C5: variants seen among roughly 807,000 people sequenced by gnomAD.
The protein encoded by C5 is C3 and PZP-like alpha-2-macroglobulin domain-containing protein 4.
A neutral mutation model predicts 218.8 loss-of-function variants in C5; 140 were observed. The ratio of observed to expected loss-of-function variants is 0.64; its 90% CI spans 0.56 to 0.74. The LOEUF (loss-of-function observed/expected upper bound fraction) is 0.74, where lower values mean the gene tolerates loss of function less well. C5 is among the 30% of genes least tolerant of loss of function. C5 has a pLI of 0.00. For missense variants in C5, 1,700 were observed against 1,969.6 expected, an observed-to-expected ratio of 0.86 and a Z score of 2.59; for synonymous variants, 614 against 682.3, an observed-to-expected ratio of 0.90 and a Z score of 1.56.
intron 20 of C5, among the ~76,000 whole-genome samples, chr9:121,002,218 A>G (rs955467628): frequency 1.8e-4 from 7 of 39,860 alleles, no homozygotes; most frequent in Admixed American, 3.2e-4. Flanking sequence ...ATATATACGT[A>G]TATATATATA....
At position 121,025,580 on chromosome 9, in the gene C5, A is replaced by G; in HGVS notation, c.874T>C (p.Leu292=). 6.2e-7 allele frequency: 1 copy of G among 1,611,898 alleles called. No homozygotes were observed. The highest frequency in any genetic ancestry group is 8.5e-7 in the Non-Finnish European group (1 of 1,179,432). The change falls in exon 9 of 41, where the codon TTG becomes CTG. Residue 292 remains leucine, a splice_region_variant and synonymous_variant. Transcript: ENST00000223642. ...GTGACTTGAGCAATTCCATTTATCA[A>G]CTTTTTAAAAGGAGAAAAAGGAGGA... The part of the protein sequence containing the change: ...MMQTAMQNTM[L]INGIAQVTFD...
chr9:120,997,732 C>T lies in C5; in HGVS notation c.2605G>A (p.Glu869Lys). The T allele has an allele frequency of 6.2e-7, 1 of 1,614,050 alleles. No individual in the cohort carries two copies. Among genetic ancestry groups the T allele is most frequent in the Non-Finnish European group, 8.5e-7 (1 of 1,180,026 alleles). The change falls in exon 21 of 41, where the codon GAA becomes AAA. Residue 869 changes from glutamate to lysine, a missense_variant. By Grantham distance (56) the Glu-to-Lys change is moderately conservative. Transcript: ENST00000223642. ...MSAVEGICTSESPVIDHQGTK... is the reference protein window; with the variant it reads ...MSAVEGICTSKSPVIDHQGTK... ...CCCTGATGATCAATGACTGGGCTTTCCGAAGTGCAGATTCCCTCCACAGCA... is the reference window on the plus strand; with the variant it reads ...CCCTGATGATCAATGACTGGGCTTTTCGAAGTGCAGATTCCCTCCACAGCA...
chr9:121,040,145 C>G (rs529996587), intron 3 of C5, among the ~76,000 whole-genome samples: 1 of 152,160 alleles, frequency 6.6e-6, no homozygotes. Flanking sequence ...GGGAAATCAG[C>G]GAAAGCTGCC....
At chr9:121,034,218 C>A (rs1176225350) in intron 5 of C5, among the ~76,000 whole-genome samples, 2 of 152,140 alleles carry the variant, frequency 1.3e-5, no homozygotes, top group African/African-American at 2.4e-5. Context: ...CCGCACCTGG[C>A]CTATTACAAA....
At chr9:120,975,985 T>C (rs2046950473) in intron 29 of C5, among the ~76,000 whole-genome samples, 1 of 152,210 alleles carries the variant, frequency 6.6e-6, no homozygotes, top group African/African-American at 2.4e-5. Context: ...CCTATATCTG[T>C]GGCGGCAAAT....
intron 17 of C5, among the ~76,000 whole-genome samples, chr9:121,010,969 C>A (rs2047256848): frequency 6.6e-6 from 1 of 152,148 alleles, no homozygotes; most frequent in African/African-American, 2.4e-5. Context: ...TTGCCATATA[C>A]AAAACTCAAA....
intron 3 of C5, among the ~76,000 whole-genome samples, chr9:121,039,511 G>A (rs1384552616): frequency 2.0e-5 from 3 of 151,970 alleles, no homozygotes; most frequent in African/African-American, 4.8e-5. Context: ...GGTGGCACGC[G>A]CCTGAATCCC....
chr9:121,069,914 A>T, the C5 span, among the ~76,000 whole-genome samples: 1 of 152,230 alleles, frequency 6.6e-6, no homozygotes, highest in East Asian at 1.9e-4. Flanking sequence ...TAGAACTACC[A>T]TATGATCCAG....
chr9:120,956,389 G>A (rs993608981), intron 39 of C5, among the ~76,000 whole-genome samples: 2 of 151,900 alleles, frequency 1.3e-5, no homozygotes, highest in African/African-American at 4.8e-5. Context: ...TCTACAATGA[G>A]AATTACAAAA....
intron 33 of C5, among the ~76,000 whole-genome samples, chr9:120,964,240 G>C (rs1301451090): frequency 6.6e-6 from 1 of 152,240 alleles, no homozygotes; most frequent in Non-Finnish European, 1.5e-5. Context: ...CACTTTGGGA[G>C]GCCAAGGCAG....
intron 4 of C5, among the ~76,000 whole-genome samples, chr9:121,035,856 A>C (rs1404688243): frequency 1.3e-5 from 2 of 151,992 alleles, no homozygotes; most frequent in Non-Finnish European, 2.9e-5. Context: ...GATTACAATT[A>C]CAGGCATGAG....
At chr9:121,032,260 T>C (rs917805564) in intron 5 of C5, 65 bp from the exon 6 acceptor site, 14 of 922,358 alleles carry the variant, frequency 1.5e-5, no homozygotes, top group Non-Finnish European at 2.1e-5. Context: ...TCAGAGGAGA[T>C]CTAATAAATT....
At chr9:121,054,369 G>GT (rs2047687981), upstream of C5, among the ~76,000 whole-genome samples, 1 of 152,192 alleles carries the variant, frequency 6.6e-6, no homozygotes, top group Non-Finnish European at 1.5e-5. Context: ...GGAGGCTGAG[G>GT]CAGGCAGATC....
At chr9:120,976,062 G>C (rs969188748) in intron 29 of C5, among the ~76,000 whole-genome samples, 1 of 152,042 alleles carries the variant, frequency 6.6e-6, no homozygotes, top group Non-Finnish European at 1.5e-5. Context: ...ACATTACATG[G>C]TCAGTAAATT....
chr9:121,005,440 T>C (rs2047208121), intron 20 of C5, among the ~76,000 whole-genome samples: 1 of 152,144 alleles, frequency 6.6e-6, no homozygotes, highest in African/African-American at 2.4e-5. Flanking sequence ...GCTATGGAAG[T>C]AATCTGGTTA....
At chr9:121,063,790 A>T in the C5 span, among the ~76,000 whole-genome samples, 1 of 152,210 alleles carries the variant, frequency 6.6e-6, no homozygotes, top group Non-Finnish European at 1.5e-5. Flanking sequence ...ATGCTTTTCC[A>T]TGAAGGTAAC....
chr9:121,001,315 T>C (rs1332791197), intron 20 of C5, among the ~76,000 whole-genome samples: 2 of 152,094 alleles, frequency 1.3e-5, no homozygotes, highest in South Asian at 2.1e-4. Context: ...AGGAACTCAA[T>C]GGAAAGCAAA....
chr9:120,999,798 C>A, intron 20 of C5: 1 of 387,952 alleles, frequency 2.6e-6, no homozygotes, highest in South Asian at 1.8e-5. Context: ...CCCAAAATAT[C>A]ACAGATGTAC....
At chr9:120,991,071 G>A in intron 23 of C5, 120 bp downstream of exon 23, 1 of 715,872 alleles carries the variant, frequency 1.4e-6, no homozygotes, top group Non-Finnish European at 2.5e-6. Context: ...CACTCCTAAA[G>A]GTAGATTTGT....
Sources: gnomAD v4.1 joint callset for allele counts (sites outside exome capture counted in the v4.1 genomes callset) on GRCh38, gnomAD v4.1.1 for gene constraint, MANE v1.5 for transcripts, NCBI Gene and HGNC (gene_info 2026-07-23, HGNC 2026-07-21) for gene names.